DYRK1A: variants seen among roughly 807,000 people sequenced by gnomAD.
DYRK1A encodes the protein dual specificity tyrosine-phosphorylation-regulated kinase 1A.
A neutral mutation model predicts 79.7 loss-of-function variants in DYRK1A; 9 were observed. The ratio of observed to expected loss-of-function variants is 0.11; its 90% CI spans 0.07 to 0.20. The LOEUF (loss-of-function observed/expected upper bound fraction) is 0.20. Ranked by LOEUF, DYRK1A falls within the 10% of genes least tolerant of loss-of-function variation. The pLI, the probability that DYRK1A is intolerant of heterozygous loss-of-function variation, is 1.00. For synonymous variants in DYRK1A, 349 were observed against 329.7 expected (o/e 1.06, Z -0.63); for missense variants, 622 against 956.0 (o/e 0.65, Z 4.61).
chr21:37,479,606 G>GTTTGTTTTTTT (rs2052537701), intron 4 of DYRK1A, among the ~76,000 whole-genome samples: 1 of 27,594 alleles, frequency 3.6e-5, no homozygotes, highest in Non-Finnish European at 6.9e-5. Context: ...TTTTGTTTTT[G>GTTTGTTTTTTT]TTTTTGTTTT....
chr21:37,508,852 A>G (rs752321981), intron 11 of DYRK1A, among the ~76,000 whole-genome samples: 1 of 152,132 alleles, frequency 6.6e-6, no homozygotes, highest in Non-Finnish European at 1.5e-5. Context: ...TTTATGCTTC[A>G]GGTCTTAAGT....
chr21:37,388,568 T>A (rs762065925), intron 1 of DYRK1A, among the ~76,000 whole-genome samples: 22 of 152,104 alleles, frequency 1.4e-4, no homozygotes, highest in Non-Finnish European at 2.9e-4. Flanking sequence ...TCATCAATAT[T>A]TTTTTTAACA....
chr21:37,465,705 C>T (rs542504380), intron 2 of DYRK1A, among the ~76,000 whole-genome samples: 27 of 151,978 alleles, frequency 1.8e-4, no homozygotes, highest in African/African-American at 6.3e-4. Context: ...TGGGTGGTGG[C>T]GGGTGCCTGT....
At position 37,408,600 on chromosome 21, in the gene DYRK1A, C is replaced by T. The variant is rs80015970; in HGVS notation, c.-76-11699C>T. Among the ~76,000 whole-genome samples the T allele has an allele frequency of 2.4e-3, 361 of 152,222 alleles. 1 individual carries two copies. Among genetic ancestry groups the T allele is most frequent in the Non-Finnish European group, 4.3e-3 (290 of 68,014 alleles). On this transcript the variant is annotated intron_variant, in intron 1 of 11. Coordinates refer to ENST00000647188, the MANE Select transcript of DYRK1A (RefSeq NM_001347721.2). ...TTTTAGCACATAGAACAGTCATTCT[C>T]TATAGCAAAAGTACTAGCTTTTGTG...
At chr21:37,366,226 C>G (rs1434071765), upstream of DYRK1A, 3 of 150,362 alleles carry the variant, frequency 2.0e-5, no homozygotes, top group Admixed American at 6.6e-5. Context: ...GTGGGCTTCC[C>G]GGGTCCCCGC....
intron 1 of DYRK1A, among the ~76,000 whole-genome samples, chr21:37,412,956 A>G (rs900979527): frequency 6.6e-6 from 1 of 152,212 alleles, no homozygotes; most frequent in African/African-American, 2.4e-5. Flanking sequence ...CTTCTTTTGC[A>G]GGGAAAGATG....
chr21:37,389,970 A>G (rs1203175445), intron 1 of DYRK1A, among the ~76,000 whole-genome samples: 9 of 141,422 alleles, frequency 6.4e-5, no homozygotes, highest in Non-Finnish European at 1.4e-4. Context: ...CTTGCCTGGG[A>G]TGGAATGCAG....
At chr21:37,394,594 G>C (rs965253391) in intron 1 of DYRK1A, among the ~76,000 whole-genome samples, 4 of 152,152 alleles carry the variant, frequency 2.6e-5, no homozygotes, top group Non-Finnish European at 5.9e-5. Flanking sequence ...CCTCCTGTCA[G>C]ATCAGTGGCG....
chr21:37,505,622 A>T lies in DYRK1A; in HGVS notation c.1519+33A>T, dbSNP rs905376983. The T allele has an allele frequency of 1.3e-6, 2 of 1,534,406 alleles. 1 individual carries two copies. The highest frequency in any genetic ancestry group is 2.8e-5 in the African/African-American group (2 of 72,392). Reference sequence around the variant, plus strand: ...CTGCTGCGGTTAGATTAGGCTTGGGAATGTTTTGTGTTTTCTTTATGAAGT... The same window carrying T: ...CTGCTGCGGTTAGATTAGGCTTGGGTATGTTTTGTGTTTTCTTTATGAAGT... On this transcript the variant is annotated intron_variant, in intron 10 of 11. Transcript: ENST00000647188.
chr21:37,401,362 ATAT>A (rs529722623), intron 1 of DYRK1A, among the ~76,000 whole-genome samples: 1 of 152,122 alleles, frequency 6.6e-6, no homozygotes, highest in African/African-American at 2.4e-5. Flanking sequence ...ATTAATTTTA[ATAT>A]TTGATTTTTT....
intron 2 of DYRK1A, among the ~76,000 whole-genome samples, chr21:37,451,208 CTAAAGT>C (rs1810828611): frequency 6.6e-6 from 1 of 152,024 alleles, no homozygotes; most frequent in African/African-American, 2.4e-5. Flanking sequence ...ATAAAGTAGG[CTAAAGT>C]TAATTTATTA....
intron 2 of DYRK1A, among the ~76,000 whole-genome samples, chr21:37,458,268 C>CTGTGTGTG (rs3138683): frequency 0.17 from 22,793 of 130,330 alleles, 2,240 homozygotes; most frequent in East Asian, 0.23. Flanking sequence ...GGGTAATTTA[C>CTGTGTGTG]TGTGTGTGTG....
chr21:37,453,978 G>T (rs1293091574), intron 2 of DYRK1A, among the ~76,000 whole-genome samples: 2 of 150,710 alleles, frequency 1.3e-5, no homozygotes, highest in Non-Finnish European at 2.9e-5. Context: ...TATATATTTT[G>T]CAGTCAATAT....
intron 2 of DYRK1A, among the ~76,000 whole-genome samples, chr21:37,461,966 C>T (rs2835758): frequency 0.28 from 42,771 of 150,978 alleles, 6,231 homozygotes; most frequent in South Asian, 0.38. Context: ...CTATTAGGTC[C>T]GTTCAGTGAA....
At chr21:37,448,356 G>A (rs1227396889) in intron 2 of DYRK1A, among the ~76,000 whole-genome samples, 1 of 152,016 alleles carries the variant, frequency 6.6e-6, no homozygotes, top group Non-Finnish European at 1.5e-5. Context: ...TCTGGTGGAG[G>A]GTCCCATAAT....
At chr21:37,386,431 A>G (rs1232249630) in intron 1 of DYRK1A, among the ~76,000 whole-genome samples, 4 of 152,164 alleles carry the variant, frequency 2.6e-5, no homozygotes, top group Admixed American at 2.6e-4. Context: ...TTCATGGACG[A>G]AATTGAAGAC....
intron 1 of DYRK1A, 145 bp from the exon 2 acceptor site, chr21:37,420,154 G>GTAAT: frequency 2.7e-6 from 1 of 363,728 alleles, no homozygotes; most frequent in Non-Finnish European, 4.9e-6. Flanking sequence ...GAAAATTTAA[G>GTAAT]TTTGAATGTT....
intron 1 of DYRK1A, among the ~76,000 whole-genome samples, chr21:37,378,658 G>C (rs890361890): frequency 6.6e-6 from 1 of 152,204 alleles, no homozygotes; most frequent in African/African-American, 2.4e-5. Flanking sequence ...CTTCAATTGA[G>C]TGAACATTTG....
At chr21:37,427,518 G>A (rs11701469) in intron 2 of DYRK1A, among the ~76,000 whole-genome samples, 11,503 of 152,142 alleles carry the variant, frequency 0.076, 648 homozygotes, top group Non-Finnish European at 0.11. Flanking sequence ...AGTATTCTGC[G>A]AATTAGTTAA....
Sources: gnomAD v4.1 joint callset for allele counts (sites outside exome capture counted in the v4.1 genomes callset) on GRCh38, gnomAD v4.1.1 for gene constraint, MANE v1.5 for transcripts, NCBI Gene and HGNC (gene_info 2026-07-23, HGNC 2026-07-21) for gene names.